ZNF735: variants seen among roughly 807,000 people sequenced by gnomAD.
ZNF735 encodes zinc finger protein 735.
ZNF735 carries 11 observed loss-of-function variants against 13.4 expected under a neutral mutation model. That is an observed-to-expected ratio of 0.82 (90% CI 0.52 to 1.36). The LOEUF (loss-of-function observed/expected upper bound fraction) is 1.36, where lower values mean the gene tolerates loss of function less well. Ranked by LOEUF, ZNF735 falls within the 40% of genes most tolerant of loss-of-function variation. The pLI is 0.00. For synonymous variants in ZNF735, 171 were observed against 162.6 expected (o/e 1.05, Z -0.39); for missense variants, 500 against 484.6 (o/e 1.03, Z -0.30).
rs1787392510 is a variant in ZNF735 at position 64,214,133 on chromosome 7, T to A, written c.262+25T>A. On this transcript the variant is annotated intron_variant, in intron 3 of 3. Transcript: ENST00000429565. ...GGTAGGTGAGAGCAAATGAAGCAGATGACACGGATGAGATGTCCACAAGTC... is the reference window on the plus strand; with the variant it reads ...GGTAGGTGAGAGCAAATGAAGCAGAAGACACGGATGAGATGTCCACAAGTC... 15 of 1,595,736 alleles carry A rather than the reference T, an allele frequency of 9.4e-6. No homozygotes were observed. The African/African-American group carries it at 1.3e-4, about 14-fold the overall frequency.
chr7:64,218,006 A>G (rs1413191943), intron 3 of ZNF735, among the ~76,000 whole-genome samples: 1 of 152,076 alleles, frequency 6.6e-6, no homozygotes, highest in African/African-American at 2.4e-5. Flanking sequence ...ATTTTTTTGT[A>G]TATGCATATG....
intron 1 of ZNF735, among the ~76,000 whole-genome samples, chr7:64,208,256 T>TG (rs1787315469): frequency 1.6e-5 from 1 of 61,898 alleles, no homozygotes; most frequent in Non-Finnish European, 3.3e-5. Context: ...TTTTTTTTTT[T>TG]TTTTTTTTTT....
chr7:64,215,175 C>A (rs1199678146), intron 3 of ZNF735, among the ~76,000 whole-genome samples: 1 of 151,828 alleles, frequency 6.6e-6, no homozygotes, highest in Non-Finnish European at 1.5e-5. Context: ...GATTCTCCTG[C>A]CTCAGTCTCC....
At chr7:64,212,570 A>G (rs1787373539) in intron 1 of ZNF735, among the ~76,000 whole-genome samples, 1 of 152,168 alleles carries the variant, frequency 6.6e-6, no homozygotes, top group Non-Finnish European at 1.5e-5. Flanking sequence ...AGGTGAGTGG[A>G]TCACGTGAGG....
chr7:64,213,263 C>T (rs780763047), intron 2 of ZNF735, 45 bp downstream of exon 2: 9 of 1,530,428 alleles, frequency 5.9e-6, no homozygotes, highest in Non-Finnish European at 7.9e-6. Context: ...TTGCCGTTCT[C>T]TCTTTTCTAA....
In ZNF735 at chr7:64,208,199, G is replaced by T. The variant is rs549002667; in HGVS notation, c.39+958G>T. ...AGAGATTCATTGGCAGATTGTGGTT[G>T]CCTAGGCCCGAATATTTTCTTCAAG... On this transcript the variant is annotated intron_variant, in intron 1 of 3. Coordinates refer to ENST00000429565, the Ensembl canonical transcript of ZNF735. 1.1e-4 allele frequency among the ~76,000 whole-genome samples: 16 copies of T among 146,162 alleles called. No homozygotes were observed. In the South Asian group the frequency reaches 3.5e-3, roughly 32 times the overall value.
exon 2 of ZNF735, chr7:64,213,139 G>A (rs773044727): frequency 1.2e-6 from 2 of 1,612,986 alleles, no homozygotes; most frequent in African/African-American, 1.3e-5. Flanking sequence ...CTCTGGCGGA[G>A]TGGCAATGCC....
chr7:64,208,244 G>GT (rs71060562), intron 1 of ZNF735, among the ~76,000 whole-genome samples: 6,789 of 92,412 alleles, frequency 0.073, 1,741 homozygotes, highest in Non-Finnish European at 0.096. Flanking sequence ...TCCAATAAAT[G>GT]TTTTTTTTTT....
exon 4 of ZNF735, chr7:64,219,804 G>A (rs1787467527): frequency 2.5e-6 from 4 of 1,610,640 alleles, no homozygotes; most frequent in South Asian, 1.1e-5. Flanking sequence ...AAGCCTTTAG[G>A]TGGCCCTCAA....
At chr7:64,214,409 G>A (rs1411369807) in intron 3 of ZNF735, among the ~76,000 whole-genome samples, 1 of 152,022 alleles carries the variant, frequency 6.6e-6, no homozygotes, top group Non-Finnish European at 1.5e-5. Context: ...TGACTACTTT[G>A]CCATTGCTTT....
intron 3 of ZNF735, among the ~76,000 whole-genome samples, chr7:64,218,665 T>C (rs1787451075): frequency 6.6e-6 from 1 of 152,128 alleles, no homozygotes; most frequent in Non-Finnish European, 1.5e-5. Flanking sequence ...ATTTTTTTGA[T>C]TGGACCATGT....
intron 1 of ZNF735, among the ~76,000 whole-genome samples, chr7:64,209,475 T>C (rs1458897917): frequency 6.6e-6 from 1 of 151,922 alleles, no homozygotes; most frequent in South Asian, 2.1e-4. Context: ...TACAGGCATG[T>C]ACCACCATGC....
At chr7:64,218,119 ATAT>A (rs1273836876) in intron 3 of ZNF735, among the ~76,000 whole-genome samples, 2 of 152,068 alleles carry the variant, frequency 1.3e-5, no homozygotes, top group Non-Finnish European at 2.9e-5. Context: ...TGCAGTGCTT[ATAT>A]GCTTTTCCAG....
In ZNF735 at chr7:64,220,067, C is replaced by T. The variant is rs762356691; in HGVS notation, c.1016C>T (p.Thr339Ile). The change falls in exon 4 of 4, where the codon ACT (threonine) becomes ATT (isoleucine). Residue 339 changes from threonine to isoleucine, a missense_variant. Coordinates refer to ENST00000429565, the Ensembl canonical transcript of ZNF735. ...GGCAAAGCCTTTAACTGCTCCTCGA[C>T]TCTTAAGACACATAAGATAATTCAT... 3 of 1,613,258 alleles carry T rather than the reference C, an allele frequency of 1.9e-6. No individual in the cohort carries two copies. Among genetic ancestry groups the T allele is most frequent in the Non-Finnish European group, 2.5e-6 (3 of 1,179,794 alleles).
At position 64,210,271 on chromosome 7, in the gene ZNF735, C is replaced by A. The variant is rs138907377; in HGVS notation, c.40-2821C>A. ...TGCTGCCTTCTGTTTTCTCTGTAAA[C>A]TTAAAAAAGCCAACAAAAAAATATA... On this transcript the variant is annotated intron_variant, in intron 1 of 3. Coordinates refer to ENST00000429565, the Ensembl canonical transcript of ZNF735. 3.0e-4 allele frequency among the ~76,000 whole-genome samples: 45 copies of A among 152,262 alleles called. No homozygotes were observed. In the East Asian group the frequency reaches 4.2e-3, roughly 14 times the overall value.
At chr7:64,212,587 G>T (rs1271375894) in intron 1 of ZNF735, among the ~76,000 whole-genome samples, 3 of 152,078 alleles carry the variant, frequency 2.0e-5, no homozygotes, top group African/African-American at 7.2e-5. Flanking sequence ...GAGGTCAGGA[G>T]TTCAAGACCT....
chr7:64,215,604 C>A (rs1227735312), intron 3 of ZNF735, among the ~76,000 whole-genome samples: 1 of 151,966 alleles, frequency 6.6e-6, no homozygotes, highest in Non-Finnish European at 1.5e-5. Flanking sequence ...GAAAATGGTG[C>A]CAAGACCAAT....
chr7:64,210,096 G>A (rs1256131986), intron 1 of ZNF735, among the ~76,000 whole-genome samples: 1 of 152,142 alleles, frequency 6.6e-6, no homozygotes. Context: ...CTTAGTACCA[G>A]CTCCCAGGGT....
exon 2 of ZNF735, chr7:64,213,181 T>A (rs1290677142): frequency 6.2e-7 from 1 of 1,611,674 alleles, no homozygotes; most frequent in Admixed American, 1.7e-5. Flanking sequence ...TATATAGAGA[T>A]GTGATGTTAG....
Sources: gnomAD v4.1 joint callset for allele counts (sites outside exome capture counted in the v4.1 genomes callset) on GRCh38, gnomAD v4.1.1 for gene constraint, MANE v1.5 for transcripts, NCBI Gene and HGNC (gene_info 2026-07-23, HGNC 2026-07-21) for gene names.